Variants in CARMIL1 observed in about 807,000 individuals in gnomAD.
CARMIL1 encodes the protein capping protein regulator and myosin 1 linker 1.
In CARMIL1, 90 loss-of-function variants were observed where a neutral mutation model predicts 177.1. The ratio of observed to expected loss-of-function variants is 0.51; its 90% CI spans 0.43 to 0.61. The LOEUF (loss-of-function observed/expected upper bound fraction) is 0.61, where lower values mean the gene tolerates loss of function less well. Among genes scored for constraint, CARMIL1 ranks in the 20% least tolerant of loss-of-function variants. The pLI, the probability that CARMIL1 is intolerant of heterozygous loss-of-function variation, is 0.00. For synonymous variants in CARMIL1, 577 were observed against 606.2 expected, an observed-to-expected ratio of 0.95 and a Z score of 0.71; for missense variants, 1,380 against 1,667.0, an observed-to-expected ratio of 0.83 and a Z score of 3.00.
chr6:25,307,152 A>G (rs1255407611), intron 2 of CARMIL1, among the ~76,000 whole-genome samples: 1 of 152,138 alleles, frequency 6.6e-6, no homozygotes, highest in East Asian at 1.9e-4. Context: ...AAGTGCTGGG[A>G]TTACAGCTGT....
At chr6:25,373,428 A>G (rs1159340862) in intron 2 of CARMIL1, among the ~76,000 whole-genome samples, 2 of 115,522 alleles carry the variant, frequency 1.7e-5, no homozygotes, top group Non-Finnish European at 3.6e-5. Context: ...CAGGATTTCT[A>G]TTTCTTCCTG....
At chr6:25,359,606 C>G (rs1364122167) in intron 2 of CARMIL1, among the ~76,000 whole-genome samples, 1 of 152,236 alleles carries the variant, frequency 6.6e-6, no homozygotes, top group African/African-American at 2.4e-5. Context: ...GATCCAGCAG[C>G]CTTTGTGCTC....
chr6:25,426,376 T>C, intron 3 of CARMIL1, 125 bp from the exon 4 acceptor site: 1 of 585,454 alleles, frequency 1.7e-6, no homozygotes, highest in Middle Eastern at 2.8e-4. Context: ...AGATGCCCAG[T>C]GTCTTATTTG....
At chr6:25,367,686 G>T (rs1336687468) in intron 2 of CARMIL1, among the ~76,000 whole-genome samples, 1 of 152,178 alleles carries the variant, frequency 6.6e-6, no homozygotes, top group Non-Finnish European at 1.5e-5. Flanking sequence ...AGGTTCCCAT[G>T]TGTGAACACT....
intron 2 of CARMIL1, among the ~76,000 whole-genome samples, chr6:25,387,174 C>G (rs577504239): frequency 7.5e-4 from 112 of 149,130 alleles, no homozygotes; most frequent in Non-Finnish European, 8.3e-4. Context: ...TCACCTTTTA[C>G]TTCACTAAGA....
At chr6:25,591,421 T>G (rs1814289153) in intron 31 of CARMIL1, among the ~76,000 whole-genome samples, 1 of 152,188 alleles carries the variant, frequency 6.6e-6, no homozygotes, top group African/African-American at 2.4e-5. Flanking sequence ...TTTCTCTGAG[T>G]GCAAATGCAG....
In CARMIL1 at chr6:25,308,932, G is replaced by A. The variant is rs149871704; in HGVS notation, c.138+24023G>A. 5.9e-4 allele frequency among the ~76,000 whole-genome samples: 90 copies of A among 152,266 alleles called. 1 individual carries two copies. Among genetic ancestry groups the A allele is most frequent in the African/African-American group, 2.1e-3 (88 of 41,544 alleles). ...AACTATTAATTCAACAAATACTTAT[G>A]GAGCCTTTGCCATGCCTATGAGCCT... On this transcript the variant is annotated intron_variant, in intron 2 of 36. Coordinates refer to ENST00000329474, the MANE Select transcript of CARMIL1 (RefSeq NM_017640.6).
In CARMIL1 at chr6:25,574,168, G is replaced by A. The variant is rs577512746; in HGVS notation, c.2743-6756G>A. On this transcript the variant is annotated intron_variant, in intron 29 of 36. Transcript: ENST00000329474. ...TGGAAGTATATGGTCATTCAGACAG[G>A]CTCCTATTAGAGTGTCTGCAGAATA... Among the ~76,000 whole-genome samples, 54 of 152,326 alleles carry A rather than the reference G, an allele frequency of 3.5e-4. 2 individuals carry two copies. The South Asian group carries it at 0.011, about 31-fold the overall frequency.
chr6:25,285,605 CTAAATT>C (rs1355088852), intron 2 of CARMIL1, among the ~76,000 whole-genome samples: 3 of 152,020 alleles, frequency 2.0e-5, no homozygotes, highest in African/African-American at 7.3e-5. Flanking sequence ...TGTGGCAAAT[CTAAATT>C]TAAGCTTAGG....
At chr6:25,415,239 T>C (rs982087470) in intron 2 of CARMIL1, among the ~76,000 whole-genome samples, 7 of 152,098 alleles carry the variant, frequency 4.6e-5, no homozygotes, top group Non-Finnish European at 2.9e-5. Context: ...CGTAGCTCAC[T>C]GTAACCTCGA....
intron 2 of CARMIL1, among the ~76,000 whole-genome samples, chr6:25,320,735 G>A (rs1279436312): frequency 6.6e-6 from 1 of 152,166 alleles, no homozygotes; most frequent in African/African-American, 2.4e-5. Context: ...CAGGTGGGAG[G>A]GGTGGACTTT....
At chr6:25,345,342 A>G (rs1328913596) in intron 2 of CARMIL1, among the ~76,000 whole-genome samples, 1 of 152,122 alleles carries the variant, frequency 6.6e-6, no homozygotes, top group Non-Finnish European at 1.5e-5. Flanking sequence ...AAAGTGTTTC[A>G]GGGTACTTGT....
chr6:25,450,513 T>C (rs1447220501), intron 7 of CARMIL1, 104 bp downstream of exon 7: 1 of 1,160,518 alleles, frequency 8.6e-7, no homozygotes, highest in East Asian at 2.5e-5. Flanking sequence ...TATTTTTCAC[T>C]TAAAATCTTC....
At chr6:25,295,389 A>G (rs1271556589) in intron 2 of CARMIL1, among the ~76,000 whole-genome samples, 1 of 152,316 alleles carries the variant, frequency 6.6e-6, no homozygotes, top group Non-Finnish European at 1.5e-5. Context: ...TTGTCAGATA[A>G]TTTAGGTTAT....
At chr6:25,396,363 CTT>C in intron 2 of CARMIL1, among the ~76,000 whole-genome samples, 1 of 140,746 alleles carries the variant, frequency 7.1e-6, no homozygotes, top group East Asian at 2.0e-4. Context: ...TTTTTTTTTC[CTT>C]TTTTTTTTTT....
chr6:25,414,618 G>A (rs1927693), intron 2 of CARMIL1, among the ~76,000 whole-genome samples: 64,149 of 151,878 alleles, frequency 0.42, 13,641 homozygotes, highest in Admixed American at 0.51. Context: ...TAATTGGCTC[G>A]GTTTGTGTTG....
intron 2 of CARMIL1, among the ~76,000 whole-genome samples, chr6:25,310,700 G>A (rs749264413): frequency 1.3e-5 from 2 of 152,160 alleles, no homozygotes; most frequent in African/African-American, 4.8e-5. Flanking sequence ...AGATACAGGA[G>A]AGAGAAGAAC....
At chr6:25,409,765 C>T (rs1248708918) in intron 2 of CARMIL1, among the ~76,000 whole-genome samples, 1 of 152,144 alleles carries the variant, frequency 6.6e-6, no homozygotes, top group East Asian at 1.9e-4. Flanking sequence ...ATACTGACAT[C>T]ACTCAAACAA....
At chr6:25,441,796 T>G (rs774250042) in intron 5 of CARMIL1, among the ~76,000 whole-genome samples, 12 of 152,188 alleles carry the variant, frequency 7.9e-5, no homozygotes, top group Non-Finnish European at 1.2e-4. Context: ...TTCTCAGGGT[T>G]GTCTGTGATG....
Sources: allele counts gnomAD v4.1 joint callset (sites outside exome capture counted in the v4.1 genomes callset), GRCh38; gene constraint gnomAD v4.1.1; transcripts MANE v1.5; gene names NCBI Gene and HGNC (gene_info 2026-07-23, HGNC 2026-07-21).